WNT9B: variants seen among roughly 807,000 people sequenced by gnomAD.
WNT9B encodes the protein Wnt family member 9B.
In WNT9B, 12 loss-of-function variants were observed where a neutral mutation model predicts 30.2. The observed-to-expected ratio is 0.40, with a 90% CI of 0.26 to 0.64. WNT9B has a LOEUF of 0.64. WNT9B is among the 30% of genes least tolerant of loss of function. WNT9B has a pLI of 0.42. For synonymous variants in WNT9B, 218 were observed against 216.9 expected, an observed-to-expected ratio of 1.01 and a Z score of -0.05; for missense variants, 442 against 485.2, an observed-to-expected ratio of 0.91 and a Z score of 0.84.
upstream of WNT9B, among the ~76,000 whole-genome samples, chr17:46,850,273 G>A (rs2084825418): frequency 6.6e-6 from 1 of 152,222 alleles, no homozygotes; most frequent in Non-Finnish European, 1.5e-5. Flanking sequence ...GGGCCATGTG[G>A]CCTCAATAAG....
intron 1 of WNT9B, among the ~76,000 whole-genome samples, chr17:46,844,055 G>A (rs947256209): frequency 2.6e-5 from 4 of 152,186 alleles, no homozygotes; most frequent in Non-Finnish European, 4.4e-5. Context: ...CCATGCTCAA[G>A]AAATCCTCCC....
chr17:46,862,021 G>T (rs1222891699), intron 1 of WNT9B, among the ~76,000 whole-genome samples: 1 of 151,954 alleles, frequency 6.6e-6, no homozygotes, highest in Non-Finnish European at 1.5e-5. Context: ...AAAATAGCTG[G>T]GCGTGGTGAC....
In WNT9B at chr17:46,879,536, T is replaced by C. The variant is rs960517421; in HGVS notation, c.*2818T>C. On this transcript the variant is annotated 3_prime_UTR_variant, in exon 4 of 4. Transcript: ENST00000290015. ...TTTGCTATTTAGAAACAAAAACTTTTACCCCTTTCATCTCACTTGATTTCT... is the reference window on the plus strand; with the variant it reads ...TTTGCTATTTAGAAACAAAAACTTTCACCCCTTTCATCTCACTTGATTTCT... Among the ~76,000 whole-genome samples, 2 of 152,264 alleles carry C rather than the reference T, an allele frequency of 1.3e-5. No homozygotes were observed.
chr17:46,833,491 G>T, intron 1 of WNT9B: 1 of 470,776 alleles, frequency 2.1e-6, no homozygotes, highest in Non-Finnish European at 4.2e-6. Context: ...TCCCCATCTG[G>T]TCACCTCACT....
At chr17:46,861,077 C>T (rs1162911300) in intron 1 of WNT9B, among the ~76,000 whole-genome samples, 1 of 152,172 alleles carries the variant, frequency 6.6e-6, no homozygotes, top group East Asian at 1.9e-4. Flanking sequence ...AGAATCCAAG[C>T]CAACCTCTTC....
In WNT9B at chr17:46,876,359, A is replaced by T; in HGVS notation, c.715A>T (p.Lys239Ter). 1 of 1,614,060 alleles carries T rather than the reference A, an allele frequency of 6.2e-7. No individual in the cohort carries two copies. The highest frequency in any genetic ancestry group is 8.5e-7 in the Non-Finnish European group (1 of 1,180,036). Reference protein sequence around the residue: ...SPFRETGQVLKLRYDSAVKVS... With the variant: ...SPFRETGQVL ...GTTCCGTGAGACGGGCCAGGTGCTGAAACTGCGCTATGACTCGGCTGTCAA... is the reference window on the plus strand; with the variant it reads ...GTTCCGTGAGACGGGCCAGGTGCTGTAACTGCGCTATGACTCGGCTGTCAA... Residue 239 changes from lysine (K) to a stop codon, truncating the protein, a stop_gained, in exon 4 of 4, where the codon AAA (lysine) becomes TAA (stop). Coordinates refer to ENST00000290015, the MANE Select transcript of WNT9B (RefSeq NM_003396.3). LOFTEE classifies it high-confidence loss of function.
intron 1 of WNT9B, among the ~76,000 whole-genome samples, chr17:46,836,095 C>CACGTGTGTGTGT (rs771533837): frequency 1.6e-5 from 2 of 126,502 alleles, no homozygotes; most frequent in East Asian, 5.4e-4. Flanking sequence ...GAGACGCTGA[C>CACGTGTGTGTGT]GTGTGTGTGT....
intron 1 of WNT9B, among the ~76,000 whole-genome samples, chr17:46,846,529 G>T (rs1271501779): frequency 6.6e-6 from 1 of 152,230 alleles, no homozygotes; most frequent in East Asian, 1.9e-4. Flanking sequence ...GCCAATAAAG[G>T]TTGTAGAACC....
At chr17:46,852,217 C>T (rs1044495986) in intron 1 of WNT9B, among the ~76,000 whole-genome samples, 4 of 152,224 alleles carry the variant, frequency 2.6e-5, no homozygotes, top group Admixed American at 1.3e-4. Context: ...GGGCTGTTCC[C>T]GGTCTCGGGG....
chr17:46,844,361 T>G (rs1328279509), intron 1 of WNT9B, among the ~76,000 whole-genome samples: 1 of 146,712 alleles, frequency 6.8e-6, no homozygotes, highest in East Asian at 2.0e-4. Context: ...TTCCCAGAGA[T>G]AAACCAAGGT....
At chr17:46,856,122 C>T (rs1379521034) in intron 1 of WNT9B, among the ~76,000 whole-genome samples, 1 of 152,202 alleles carries the variant, frequency 6.6e-6, no homozygotes, top group African/African-American at 2.4e-5. Flanking sequence ...GAGTTTCTTT[C>T]CTCTCTAGGG....
intron 1 of WNT9B, among the ~76,000 whole-genome samples, chr17:46,855,321 G>A (rs929008315): frequency 3.9e-5 from 6 of 152,234 alleles, no homozygotes; most frequent in African/African-American, 1.4e-4. Context: ...ATTCTTTTCT[G>A]TCCTCAGTAG....
intron 1 of WNT9B, among the ~76,000 whole-genome samples, chr17:46,863,668 G>A (rs772900116): frequency 1.3e-5 from 2 of 152,220 alleles, no homozygotes; most frequent in Non-Finnish European, 2.9e-5. Flanking sequence ...AAAGGTTCCA[G>A]GGTATCCATG....
chr17:46,873,321 T>C (rs1384446392), intron 2 of WNT9B, among the ~76,000 whole-genome samples: 1 of 143,962 alleles, frequency 6.9e-6, no homozygotes, highest in East Asian at 2.3e-4. Flanking sequence ...CCACTAAGCA[T>C]CCATGGAGGC....
chr17:46,873,086 T>TCA (rs61118325), intron 2 of WNT9B, among the ~76,000 whole-genome samples: 1,518 of 139,888 alleles, frequency 0.011, 20 homozygotes, highest in East Asian at 0.034. Flanking sequence ...CTCTGCCTCT[T>TCA]CACACACACA....
At chr17:46,854,518 T>G (rs540609784) in intron 1 of WNT9B, among the ~76,000 whole-genome samples, 27 of 152,282 alleles carry the variant, frequency 1.8e-4, no homozygotes, top group African/African-American at 6.5e-4. Context: ...GGATGTATTA[T>G]TATCCCAATT....
chr17:46,851,718 C>T lies in WNT9B; in HGVS notation c.77+3C>T. The T allele has an allele frequency of 2.3e-6, 3 of 1,293,182 alleles. No individual in the cohort carries two copies. Among genetic ancestry groups the T allele is most frequent in the Non-Finnish European group, 2.0e-6 (2 of 1,023,804 alleles). 80.1% of individuals were successfully genotyped at this position (1,293,182 alleles called of 1,614,324 possible). On this transcript the variant is annotated splice_donor_region_variant and intron_variant, in intron 1 of 3. Coordinates refer to ENST00000290015, the MANE Select transcript of WNT9B (RefSeq NM_003396.3). The surrounding 1 kb of genome is among the most constrained non-coding windows in gnomAD (Gnocchi z 4.3). ...GCCGCCGCCGCCTCCTACTTCGGGT[C>T]AGTGCCCGCCGCGCCCCCCGCCCGC...
chr17:46,870,909 T>C (rs889629393), intron 1 of WNT9B, among the ~76,000 whole-genome samples: 3 of 146,300 alleles, frequency 2.1e-5, no homozygotes, highest in African/African-American at 7.6e-5. Context: ...CTTTGCTTTT[T>C]TTTTTTTTTT....
intron 1 of WNT9B, among the ~76,000 whole-genome samples, chr17:46,843,783 C>T (rs1203055140): frequency 6.6e-6 from 1 of 152,196 alleles, no homozygotes; most frequent in Non-Finnish European, 1.5e-5. Context: ...AACTAGTTTA[C>T]ACTTATATAG....
Sources: allele counts gnomAD v4.1 joint callset (sites outside exome capture counted in the v4.1 genomes callset), GRCh38; gene constraint gnomAD v4.1.1; non-coding constraint Gnocchi (gnomAD v3.1); transcripts MANE v1.5; gene names NCBI Gene and HGNC (gene_info 2026-07-23, HGNC 2026-07-21).